The following MTA3 variants were observed in gnomAD, a reference collection of about 807,000 sequenced individuals.
The protein encoded by MTA3 is metastasis-associated protein MTA3.
In MTA3, 34 loss-of-function variants were observed where a neutral mutation model predicts 83.5. The ratio of observed to expected loss-of-function variants is 0.41; its 90% CI spans 0.31 to 0.54. The LOEUF (loss-of-function observed/expected upper bound fraction) is 0.54. MTA3 is among the 20% of genes least tolerant of loss of function. The pLI, the probability that MTA3 is intolerant of heterozygous loss-of-function variation, is 0.33. For missense variants in MTA3, 761 were observed against 726.4 expected (o/e 1.05, Z -0.55); for synonymous variants, 303 against 252.7 (o/e 1.20, Z -1.89).
intron 2 of MTA3, among the ~76,000 whole-genome samples, chr2:42,502,105 C>A (rs565937911): frequency 2.0e-5 from 3 of 150,028 alleles, no homozygotes; most frequent in Non-Finnish European, 3.0e-5. Context: ...ACATGGAGGC[C>A]ATACATTGGT....
chr2:42,718,476 C>T (rs1315419563), intron 14 of MTA3, among the ~76,000 whole-genome samples: 1 of 151,260 alleles, frequency 6.6e-6, no homozygotes, highest in African/African-American at 2.4e-5. Flanking sequence ...GAACTCCTGG[C>T]CTCAGGTGAT....
At chr2:42,746,023 A>G (rs932748268) in intron 16 of MTA3, among the ~76,000 whole-genome samples, 8 of 151,546 alleles carry the variant, frequency 5.3e-5, no homozygotes, top group South Asian at 2.1e-4. Context: ...CATGTTAGCC[A>G]GGATGGTCTC....
At chr2:42,501,939 C>T (rs1045337665) in intron 2 of MTA3, among the ~76,000 whole-genome samples, 1 of 152,124 alleles carries the variant, frequency 6.6e-6, no homozygotes, top group African/African-American at 2.4e-5. Context: ...GATCGTGCCA[C>T]TGCACTCCAG....
chr2:42,718,831 A>G (rs1194189711), intron 14 of MTA3, among the ~76,000 whole-genome samples, 157 bp from the exon 15 acceptor site: 1 of 152,168 alleles, frequency 6.6e-6, no homozygotes, highest in Non-Finnish European at 1.5e-5. Context: ...GGGAACCAGA[A>G]CTAGAAACCA....
At chr2:42,535,608 A>T (rs1002830288) in intron 2 of MTA3, among the ~76,000 whole-genome samples, 2 of 152,176 alleles carry the variant, frequency 1.3e-5, no homozygotes, top group Non-Finnish European at 2.9e-5. Flanking sequence ...AGTTGGTCAG[A>T]TGGTATATCT....
At chr2:42,518,346 T>C (rs1259739419) in intron 2 of MTA3, among the ~76,000 whole-genome samples, 1 of 152,166 alleles carries the variant, frequency 6.6e-6, no homozygotes, top group Non-Finnish European at 1.5e-5. Flanking sequence ...GAGTGTCTTA[T>C]AGTGCCTGAA....
At chr2:42,562,815 C>G (rs1446636178) in intron 2 of MTA3, among the ~76,000 whole-genome samples, 2 of 152,168 alleles carry the variant, frequency 1.3e-5, no homozygotes, top group Non-Finnish European at 2.9e-5. Flanking sequence ...GCCTTTTCAT[C>G]CAACTGTTTC....
chr2:42,574,239 A>G (rs1027865608), intron 2 of MTA3, among the ~76,000 whole-genome samples: 1 of 148,840 alleles, frequency 6.7e-6, no homozygotes, highest in African/African-American at 2.5e-5. Flanking sequence ...GGTTCAAGCG[A>G]TTCTCCTGCC....
chr2:42,640,252 A>G lies in MTA3; in HGVS notation c.381+16A>G, dbSNP rs1558532405. On this transcript the variant is annotated intron_variant, in intron 5 of 16. Coordinates refer to ENST00000405094, the MANE Select transcript of MTA3 (RefSeq NM_001330442.2). ...TGATAAGGAGGTAATTCACAATCAT[A>G]GTTGTTTTGTTTTTTTCTCCCTTTA... 1 of 1,576,576 alleles carries G rather than the reference A, an allele frequency of 6.3e-7. No individual in the cohort carries two copies. Among genetic ancestry groups the G allele is most frequent in the Admixed American group, 1.8e-5 (1 of 55,036 alleles).
At chr2:42,705,126 G>T (rs1665960955) in intron 12 of MTA3, among the ~76,000 whole-genome samples, 2 of 152,186 alleles carry the variant, frequency 1.3e-5, no homozygotes, top group South Asian at 4.1e-4. Flanking sequence ...AGGAATGAGG[G>T]ACGGCTGTGA....
At chr2:42,675,920 C>T (rs1691312484) in intron 8 of MTA3, among the ~76,000 whole-genome samples, 1 of 152,202 alleles carries the variant, frequency 6.6e-6, no homozygotes, top group South Asian at 2.1e-4. Context: ...ACTTCTGGCA[C>T]ATAATATGAT....
intron 6 of MTA3, among the ~76,000 whole-genome samples, chr2:42,653,523 C>T (rs898579148): frequency 1.1e-4 from 16 of 152,120 alleles, no homozygotes; most frequent in African/African-American, 1.4e-4. Flanking sequence ...ATTATTTGGT[C>T]TGTTCAAAAT....
chr2:42,569,688 T>C (rs2103824637), intron 1 of MTA3: 1 of 152,284 alleles, frequency 6.6e-6, no homozygotes, highest in South Asian at 2.1e-4. Context: ...GTGGGAAGTT[T>C]CCAGCAAGCC....
chr2:42,520,370 T>C (rs1675365795), intron 2 of MTA3, among the ~76,000 whole-genome samples: 1 of 152,150 alleles, frequency 6.6e-6, no homozygotes. Flanking sequence ...ACCCTCTTTA[T>C]TTCCTGTCTT....
intron 14 of MTA3, among the ~76,000 whole-genome samples, chr2:42,718,673 G>T (rs545636467): frequency 7.2e-4 from 110 of 151,880 alleles, no homozygotes; most frequent in African/African-American, 2.5e-3. Flanking sequence ...TGAGGCAGGA[G>T]AATTGCTTGA....
chr2:42,677,941 G>C (rs1040010624), intron 8 of MTA3, among the ~76,000 whole-genome samples: 1 of 152,172 alleles, frequency 6.6e-6, no homozygotes, highest in Non-Finnish European at 1.5e-5. Context: ...TTGGCTACGG[G>C]TAACTGAAAC....
rs181809218 is a variant in MTA3, at chr2:42,629,451, A to T, written c.318-10722A>T. ...ATGCCCTCTTGCTTTTAAAATTTAA[A>T]TTTTTTTTGGTAGTGTAATTGTGAT... On this transcript the variant is annotated intron_variant, in intron 4 of 16. Coordinates refer to ENST00000405094, the MANE Select transcript of MTA3 (RefSeq NM_001330442.2). Among the ~76,000 whole-genome samples, 16 of 151,936 alleles carry T rather than the reference A, an allele frequency of 1.1e-4. No individual in the cohort carries two copies. In the East Asian group the frequency reaches 3.1e-3, roughly 29 times the overall value.
intron 3 of MTA3, among the ~76,000 whole-genome samples, chr2:42,588,784 T>C (rs544879292): frequency 7.5e-6 from 1 of 134,196 alleles, no homozygotes; most frequent in African/African-American, 2.9e-5. Context: ...TATGTATGCA[T>C]GTATACACAT....
intron 9 of MTA3, among the ~76,000 whole-genome samples, chr2:42,686,467 A>C (rs1253540515): frequency 6.6e-6 from 1 of 151,972 alleles, no homozygotes; most frequent in Non-Finnish European, 1.5e-5. Context: ...CAGGAGGATC[A>C]CTTGAGCCCA....
Sources: allele counts gnomAD v4.1 joint callset (sites outside exome capture counted in the v4.1 genomes callset), GRCh38; gene constraint gnomAD v4.1.1; transcripts MANE v1.5; gene names NCBI Gene and HGNC (gene_info 2026-07-23, HGNC 2026-07-21).